The following STKLD1 variants were observed in gnomAD, a reference collection of about 807,000 sequenced individuals.
STKLD1 encodes the protein serine/threonine kinase like domain containing 1.
STKLD1 carries 79 observed loss-of-function variants against 80.4 expected under a neutral mutation model. The observed-to-expected ratio is 0.98, with a 90% confidence interval of 0.82 to 1.19. STKLD1 has a LOEUF of 1.19. STKLD1 is among the 50% of genes most tolerant of loss of function. The probability of loss-of-function intolerance (pLI) is 0.00; values close to 1 mark genes in which losing one functional copy is unlikely to be tolerated. For missense variants in STKLD1, 841 were observed against 856.0 expected (o/e 0.98, Z 0.22); for synonymous variants, 393 against 357.6 (o/e 1.10, Z -1.12).
Position 133,389,111 on chromosome 9 carries a change from A to T in STKLD1, c.397-415A>T. ...CAGAACACTCCTAGCATTCTCTCTC[A>T]GGGCTCTTTTCATTTGAATGACCTA... On this transcript the variant is annotated intron_variant, in intron 5 of 17. Coordinates refer to ENST00000371957, the MANE Select transcript of STKLD1 (RefSeq NM_153710.5). The surrounding 1 kb of genome is among the most constrained non-coding windows in gnomAD (Gnocchi z 6.4). 2 of 985,346 alleles carry T rather than the reference A, an allele frequency of 2.0e-6. No individual in the cohort carries two copies. Among genetic ancestry groups the T allele is most frequent in the Non-Finnish European group, 2.4e-6 (2 of 829,896 alleles). The allele number at this position is 985,346 out of a possible 1,614,324, so 61.0% of individuals were successfully genotyped here. A position where few individuals can be genotyped will look rare whatever the true frequency, so the allele number is the denominator to read the frequency against.
In STKLD1 at chr9:133,398,577, G is replaced by C. The variant is rs1052326212; in HGVS notation, c.1081+522G>C. On this transcript the variant is annotated intron_variant, in intron 11 of 17. Transcript: ENST00000371957. ...GAGGACTGCTTGAGCCCAGGGATTT[G>C]AGACCAGCCTGGGCAACAAAGGGAG... Among the ~76,000 whole-genome samples, 20 of 152,182 alleles carry C rather than the reference G, an allele frequency of 1.3e-4. 1 individual carries two copies. The highest frequency in any genetic ancestry group is 9.8e-4 in the Admixed American group (15 of 15,284).
intron 2 of STKLD1, among the ~76,000 whole-genome samples, chr9:133,383,186 G>A (rs1245307274): frequency 6.6e-5 from 10 of 151,128 alleles, no homozygotes; most frequent in African/African-American, 2.4e-4. Context: ...TGATGGTGAT[G>A]ATGGTGTGAT....
At chr9:133,398,328 G>A (rs190193403) in intron 11 of STKLD1, among the ~76,000 whole-genome samples, 1 of 152,228 alleles carries the variant, frequency 6.6e-6, no homozygotes, top group East Asian at 1.9e-4. Flanking sequence ...CCCTATGAGG[G>A]GTATCTGAGT....
intron 1 of STKLD1, 84 bp from the exon 2 acceptor site, chr9:133,378,952 G>A: frequency 8.1e-7 from 1 of 1,233,476 alleles, no homozygotes; most frequent in Non-Finnish European, 1.2e-6. Flanking sequence ...AGTTAGCAGG[G>A]CCAGAAAAGG....
Position 133,389,029 on chromosome 9 carries a change from T to C in STKLD1, c.397-497T>C. 1.0e-6 allele frequency: 1 copy of C among 985,382 alleles called. No individual in the cohort carries two copies. Among genetic ancestry groups the C allele is most frequent in the Non-Finnish European group, 1.2e-6 (1 of 829,892 alleles). 61.0% of individuals were successfully genotyped at this position (985,382 alleles called of 1,614,324 possible). A position where few individuals can be genotyped will look rare whatever the true frequency, so the allele number is the denominator to read the frequency against. On this transcript the variant is annotated intron_variant, in intron 5 of 17. Coordinates refer to ENST00000371957, the MANE Select transcript of STKLD1 (RefSeq NM_153710.5). The surrounding 1 kb of genome is among the most constrained non-coding windows in gnomAD (Gnocchi z 6.4). ...AGGGTGGCCCTGAATCCAGGGGCCC[T>C]AGGAGCCCAGCTTTAGAATCACCGC...
intron 9 of STKLD1, among the ~76,000 whole-genome samples, chr9:133,396,734 G>C (rs939327887): frequency 6.6e-6 from 1 of 152,112 alleles, no homozygotes; most frequent in African/African-American, 2.4e-5. Context: ...TCCAGCCTAG[G>C]TGACAAGAGT....
At chr9:133,377,515 T>A (rs1011634752) in intron 1 of STKLD1, among the ~76,000 whole-genome samples, 4 of 152,230 alleles carry the variant, frequency 2.6e-5, no homozygotes, top group African/African-American at 9.6e-5. Flanking sequence ...AATACAAAAT[T>A]AGCCAGGTGT....
chr9:133,403,303 G>C (rs1302525406), intron 14 of STKLD1, among the ~76,000 whole-genome samples: 1 of 152,168 alleles, frequency 6.6e-6, no homozygotes, highest in Non-Finnish European at 1.5e-5. Flanking sequence ...GAAATGTCCT[G>C]GGATTTTCCG....
At position 133,403,756 on chromosome 9, in the gene STKLD1, T is replaced by C; in HGVS notation, c.1531T>C (p.Leu511=). ...EKVPDLISQV[L]ATYPADGEMA... ...GGTCCCGGACCTCATCAGCCAGGTG[T>C]TGGCCACCTACCCTGCGGATGGGGA... Residue 511 remains leucine, a synonymous_variant, in exon 15 of 18, where the codon TTG becomes CTG. Transcript: ENST00000371957. 1 of 1,613,808 alleles carries C rather than the reference T, an allele frequency of 6.2e-7. No individual in the cohort carries two copies. The highest frequency in any genetic ancestry group is 8.5e-7 in the Non-Finnish European group (1 of 1,179,952).
At position 133,394,443 on chromosome 9, in the gene STKLD1, C is replaced by G. The variant is rs1330406673; in HGVS notation, c.702+34C>G. ...CCCTCCCTCCCCCACACCCCACATG[C>G]TGTTCCCCACGCGCCCAGGCCTGGG... On this transcript the variant is annotated intron_variant, in intron 8 of 17. Transcript: ENST00000371957. The surrounding 1 kb of genome is among the most constrained non-coding windows in gnomAD (Gnocchi z 4.9). 6.7e-7 allele frequency: 1 copy of G among 1,485,104 alleles called. No homozygotes were observed. Among genetic ancestry groups the G allele is most frequent in the East Asian group, 2.3e-5 (1 of 44,218 alleles). 92.0% of individuals were successfully genotyped at this position (1,485,104 alleles called of 1,614,324 possible). A position where few individuals can be genotyped will look rare whatever the true frequency, so the allele number is the denominator to read the frequency against.
chr9:133,401,473 T>C (rs1588756011), intron 12 of STKLD1, among the ~76,000 whole-genome samples: 3 of 152,150 alleles, frequency 2.0e-5, no homozygotes, highest in Admixed American at 2.0e-4. Flanking sequence ...TGGAGTTCCA[T>C]GCAATGTTGA....
At chr9:133,398,529 A>G (rs1838618715) in intron 11 of STKLD1, among the ~76,000 whole-genome samples, 1 of 152,222 alleles carries the variant, frequency 6.6e-6, no homozygotes, top group Non-Finnish European at 1.5e-5. Context: ...CTGTAATCCT[A>G]GCACCTTGAG....
chr9:133,390,758 TGACA>T lies in STKLD1; in HGVS notation c.550_553del (p.Asp184LysfsTer43), dbSNP rs1838371807. The T allele has an allele frequency of 1.2e-6, 2 of 1,613,778 alleles. No individual in the cohort carries two copies. Among genetic ancestry groups the T allele is most frequent in the African/African-American group, 1.3e-5 (1 of 74,944 alleles). On this transcript the variant is annotated frameshift_variant, in exon 7 of 18. Coordinates refer to ENST00000371957, the MANE Select transcript of STKLD1 (RefSeq NM_153710.5). LOFTEE classifies it high-confidence loss of function. The surrounding 1 kb of genome is among the most constrained non-coding windows in gnomAD (Gnocchi z 5.1). ...CAGGACCTGAGTTCCAATGTGCTAA[TGACA>T]GACAAAGCCAAATGGAATATTCGTG...
At chr9:133,395,468 T>C (rs1838536040) in intron 8 of STKLD1, 132 bp from the exon 9 acceptor site, 1 of 943,764 alleles carries the variant, frequency 1.1e-6, no homozygotes, top group Non-Finnish European at 1.5e-6. Context: ...GGCATTCTTG[T>C]AGACGGTGGC....
At position 133,390,860 on chromosome 9, in the gene STKLD1, C is replaced by A; in HGVS notation, c.583+64C>A. The A allele has an allele frequency of 7.8e-7, 1 of 1,277,664 alleles. No homozygotes were observed. The highest frequency in any genetic ancestry group is 1.1e-6 in the Non-Finnish European group (1 of 876,074). The allele number at this position is 1,277,664 out of a possible 1,614,324, so 79.1% of individuals were successfully genotyped here. On this transcript the variant is annotated intron_variant, in intron 7 of 17. Coordinates refer to ENST00000371957, the MANE Select transcript of STKLD1 (RefSeq NM_153710.5). This position sits in a 1 kb window ranked among gnomAD's most constrained non-coding sequence, Gnocchi z 5.1. ...GCGCCTAGAATCCAGGCGGCGTTGG[C>A]CACTCTGGGTGCTGGAGTGAGGCAA...
At chr9:133,393,109 G>T (rs1222183164) in intron 7 of STKLD1, among the ~76,000 whole-genome samples, 1 of 139,466 alleles carries the variant, frequency 7.2e-6, no homozygotes, top group African/African-American at 2.7e-5. Flanking sequence ...ATGGATGTGT[G>T]GGTGGGTGGG....
At chr9:133,395,235 C>T (rs1411654668) in intron 8 of STKLD1, among the ~76,000 whole-genome samples, 7 of 152,142 alleles carry the variant, frequency 4.6e-5, no homozygotes, top group South Asian at 2.1e-4. Context: ...CTTCCCACTT[C>T]GGAGGCTGTG....
rs200614927 is a variant in STKLD1 at position 133,397,212 on chromosome 9, C to T, written c.915C>T (p.Cys305=). The T allele has an allele frequency of 8.7e-6, 14 of 1,613,834 alleles. No individual in the cohort carries two copies. The highest frequency in any genetic ancestry group is 1.0e-5 in the Non-Finnish European group (12 of 1,180,018). The change falls in exon 10 of 18, where the codon TGC becomes TGT. Residue 305 remains cysteine, a synonymous_variant. Transcript: ENST00000371957. The part of the protein sequence containing the change: ...TFLRGSFKSS[C]VSLTLHRQMV... ...TGAGAGGCTCCTTCAAGTCCTCGTGCGTCTCTCTGACCCTGCACCGGCAGA... is the reference window on the plus strand; with the variant it reads ...TGAGAGGCTCCTTCAAGTCCTCGTGTGTCTCTCTGACCCTGCACCGGCAGA...
At chr9:133,382,816 CAG>C (rs1251043662) in intron 2 of STKLD1, among the ~76,000 whole-genome samples, 1 of 131,212 alleles carries the variant, frequency 7.6e-6, no homozygotes. Context: ...ACGATGGTGA[CAG>C]TGGCATTGAT....
Sources: allele counts gnomAD v4.1 joint callset (sites outside exome capture counted in the v4.1 genomes callset), GRCh38; gene constraint gnomAD v4.1.1; non-coding constraint Gnocchi (gnomAD v3.1); transcripts MANE v1.5; gene names NCBI Gene and HGNC (gene_info 2026-07-23, HGNC 2026-07-21).